Variants in CCR7 observed in about 807,000 individuals in gnomAD.
CCR7 encodes C-C motif chemokine receptor 7.
Under a neutral mutation model 26.0 loss-of-function variants are expected in CCR7, and 11 were observed. The observed-to-expected ratio is 0.42, with a 90% CI of 0.27 to 0.70. CCR7 has a LOEUF of 0.70. Ranked by LOEUF, CCR7 falls within the 30% of genes least tolerant of loss-of-function variation. The probability of loss-of-function intolerance (pLI) is 0.23; values close to 1 mark genes in which losing one functional copy is unlikely to be tolerated. For synonymous variants in CCR7, 189 were observed against 202.1 expected, an observed-to-expected ratio of 0.94 and a Z score of 0.55; for missense variants, 360 against 504.0, an observed-to-expected ratio of 0.71 and a Z score of 2.74.
chr17:40,556,233 C>A (rs2036586187), intron 2 of CCR7, among the ~76,000 whole-genome samples: 1 of 152,156 alleles, frequency 6.6e-6, no homozygotes, highest in South Asian at 2.1e-4. Flanking sequence ...GAACCAGAAT[C>A]TCAAGTGATG....
intron 1 of CCR7, 46 bp from the exon 2 acceptor site, chr17:40,558,988 CTT>C (rs1376741609): frequency 2.0e-6 from 3 of 1,532,168 alleles, no homozygotes; most frequent in Middle Eastern, 1.8e-4. Context: ...AGGGACAAGT[CTT>C]TGTTATTAAA....
chr17:40,557,106 C>T (rs951365774), intron 2 of CCR7, among the ~76,000 whole-genome samples: 2 of 152,238 alleles, frequency 1.3e-5, no homozygotes, highest in African/African-American at 4.8e-5. Flanking sequence ...ACCTCTCTGC[C>T]TCTCTCTTCC....
rs1291820003 is a variant in CCR7, at chr17:40,554,788, G to A, written c.1091C>T (p.Ser364Phe). ...QWSSCRHIRR[S>F]SMSVEAETTT... The stretch of plus-strand genomic sequence containing the variant: ...GGTCTCGGCCTCCACACTCATGGAG[G>A]AGCGCCGGATGTGCCGACAGGAAGA... Residue 364 changes from serine (S) to phenylalanine (F), a missense_variant, in exon 3 of 3, where the codon TCC (serine) becomes TTC (phenylalanine). Ser to Phe is a radical substitution (Grantham distance 155). Coordinates refer to ENST00000246657, the MANE Select transcript of CCR7 (RefSeq NM_001838.4). 2 of 1,613,902 alleles carry A rather than the reference G, an allele frequency of 1.2e-6. No individual in the cohort carries two copies. The highest frequency in any genetic ancestry group is 1.3e-5 in the African/African-American group (1 of 75,012).
At chr17:40,560,713 C>T (rs1234194838) in intron 1 of CCR7, 1 of 152,322 alleles carries the variant, frequency 6.6e-6, no homozygotes, top group Non-Finnish European at 1.5e-5. Context: ...CTAACCGGCC[C>T]TGAGGATGAA....
In CCR7 at chr17:40,554,403, C is replaced by T. The variant is rs545686559; in HGVS notation, c.*339G>A. 5.9e-4 allele frequency: 159 copies of T among 270,666 alleles called. No homozygotes were observed. Among genetic ancestry groups the T allele is most frequent in the Non-Finnish European group, 7.5e-4 (107 of 142,274 alleles). The allele number at this position is 270,666 out of a possible 1,614,324, so 16.8% of individuals were successfully genotyped here. On this transcript the variant is annotated 3_prime_UTR_variant, in exon 3 of 3. Coordinates refer to ENST00000246657, the MANE Select transcript of CCR7 (RefSeq NM_001838.4). ...CAGAGGACTCTTCAGGCCACTCCCA[C>T]GCCCCTTGCACTCACCCTCCTTGGC... is the stretch of plus-strand genomic sequence containing the variant.
At position 40,555,382 on chromosome 17, in the gene CCR7, C is replaced by T. The variant is rs1469701969; in HGVS notation, c.497G>A (p.Arg166His). 1.4e-5 allele frequency: 22 copies of T among 1,613,918 alleles called. No homozygotes were observed. The highest frequency in any genetic ancestry group is 1.6e-5 in the Non-Finnish European group (19 of 1,180,022). ...GATGAGAAGGACGCGGGCACGGTGG[C>T]GGTGAGCTGAGACAGCCTGGACGAT... Reference protein sequence around the residue: ...VAIVQAVSAHRHRARVLLISK... With the variant: ...VAIVQAVSAHHHRARVLLISK... Residue 166 changes from arginine to histidine, a missense_variant, in exon 3 of 3, where the codon CGC becomes CAC. Arg to His is a conservative substitution (Grantham distance 29). Transcript: ENST00000246657. This position sits in a 1 kb window ranked among gnomAD's most constrained non-coding sequence, Gnocchi z 5.6.
Position 40,555,558 on chromosome 17 carries a change from G to A in CCR7, c.321C>T (p.Phe107=). ...LLNLAVADIL[F]LLTLPFWAYS... is the part of the protein sequence containing the mutation. ...AGGCCCAGAAGGGAAGGGTCAGGAG[G>A]AAGAGGATGTCTGCCACCGCCAGGT... Residue 107 remains phenylalanine, a synonymous_variant, in exon 3 of 3, where the codon TTC becomes TTT. Coordinates refer to ENST00000246657, the MANE Select transcript of CCR7 (RefSeq NM_001838.4). This position sits in a 1 kb window ranked among gnomAD's most constrained non-coding sequence, Gnocchi z 5.6. The A allele has an allele frequency of 7.4e-6, 12 of 1,614,134 alleles. No homozygotes were observed. The highest frequency in any genetic ancestry group is 1.0e-5 in the Non-Finnish European group (12 of 1,180,030).
chr17:40,561,901 C>G (rs544108096), intron 1 of CCR7, among the ~76,000 whole-genome samples: 1 of 152,256 alleles, frequency 6.6e-6, no homozygotes, highest in African/African-American at 2.4e-5. Flanking sequence ...GGGTGAGAGC[C>G]TGGTAGACCT....
At chr17:40,563,481 C>T (rs183284290) in intron 1 of CCR7, among the ~76,000 whole-genome samples, 15 of 152,042 alleles carry the variant, frequency 9.9e-5, no homozygotes, top group African/African-American at 3.6e-4. Context: ...TCATTCAAAC[C>T]GTGAAAAAGG....
At position 40,555,502 on chromosome 17, in the gene CCR7, A is replaced by G. The variant is rs891813036; in HGVS notation, c.377T>C (p.Val126Ala). 8 of 1,614,076 alleles carry G rather than the reference A, an allele frequency of 5.0e-6. No individual in the cohort carries two copies. The highest frequency in any genetic ancestry group is 6.8e-6 in the Non-Finnish European group (8 of 1,180,034). ...YSAAKSWVFG[V>A]HFCKLIFAIY... ...GGCAAAGATGAGCTTGCAAAAGTGG[A>G]CACCGAAGACCCAGGACTTGGCCGC... The change falls in exon 3 of 3, where the codon GTC (valine) becomes GCC (alanine). Residue 126 changes from valine to alanine, a missense_variant. Transcript: ENST00000246657. The surrounding 1 kb of genome is among the most constrained non-coding windows in gnomAD (Gnocchi z 5.6).
At chr17:40,559,206 C>G (rs1224299681) in intron 1 of CCR7, among the ~76,000 whole-genome samples, 3 of 152,236 alleles carry the variant, frequency 2.0e-5, no homozygotes, top group African/African-American at 7.2e-5. Context: ...GCCCCTCCCA[C>G]CCCCTGTCTT....
chr17:40,564,095 TG>T (rs1252099294), intron 1 of CCR7, among the ~76,000 whole-genome samples: 1 of 137,980 alleles, frequency 7.2e-6, no homozygotes, highest in Non-Finnish European at 1.6e-5. Flanking sequence ...GGGATTGTGA[TG>T]GGGGGTGGTG....
At chr17:40,563,478 A>C (rs1383030012) in intron 1 of CCR7, among the ~76,000 whole-genome samples, 1 of 152,096 alleles carries the variant, frequency 6.6e-6, no homozygotes, top group African/African-American at 2.4e-5. Context: ...TGCTCATTCA[A>C]ACCGTGAAAA....
At chr17:40,563,944 G>C (rs76272995) in intron 1 of CCR7, among the ~76,000 whole-genome samples, 3,420 of 152,196 alleles carry the variant, frequency 0.022, 56 homozygotes, top group African/African-American at 0.051. Context: ...CCTCCACCCT[G>C]GAGTCAGCTA....
Position 40,555,792 on chromosome 17 carries a change from C to A in CCR7, c.87G>T (p.Thr29=). ...TGGTGTTGTCTCCGATGTAATCGTC[C>A]GTGACCTCATCTTGACACAGGCATA... ...FQVCLCQDEV[T]DDYIGDNTTV... Residue 29 remains threonine (T), a synonymous_variant, in exon 3 of 3, where the codon ACG becomes ACT. Coordinates refer to ENST00000246657, the MANE Select transcript of CCR7 (RefSeq NM_001838.4). This position sits in a 1 kb window ranked among gnomAD's most constrained non-coding sequence, Gnocchi z 5.6. 2 of 1,613,704 alleles carry A rather than the reference C, an allele frequency of 1.2e-6. No individual in the cohort carries two copies. Among genetic ancestry groups the A allele is most frequent in the African/African-American group, 1.3e-5 (1 of 75,008 alleles).
intron 1 of CCR7, among the ~76,000 whole-genome samples, chr17:40,563,076 G>A (rs1206304708): frequency 6.6e-6 from 1 of 152,060 alleles, no homozygotes; most frequent in Non-Finnish European, 1.5e-5. Context: ...TCTGACCCAG[G>A]TTCACTATTC....
chr17:40,560,515 T>G (rs2036642949), intron 1 of CCR7, among the ~76,000 whole-genome samples: 1 of 152,222 alleles, frequency 6.6e-6, no homozygotes, highest in Non-Finnish European at 1.5e-5. Context: ...CCGGAAATTG[T>G]GTAAAGCCAG....
Position 40,554,652 on chromosome 17 carries a change from C to CG in CCR7, c.*89dup. 3.0e-6 allele frequency: 3 copies of CG among 1,007,538 alleles called. No homozygotes were observed. Among genetic ancestry groups the CG allele is most frequent in the Non-Finnish European group, 3.0e-6 (2 of 673,630 alleles). 62.4% of individuals were successfully genotyped at this position (1,007,538 alleles called of 1,614,324 possible). ...CTGCTTTTCCCTGAGCAGCTTTTGG[C>CG]GGGGGGATGTCCTGAGTCATTGCAT... On this transcript the variant is annotated 3_prime_UTR_variant, in exon 3 of 3. Coordinates refer to ENST00000246657, the MANE Select transcript of CCR7 (RefSeq NM_001838.4).
At chr17:40,564,019 G>A (rs767125902) in intron 1 of CCR7, among the ~76,000 whole-genome samples, 2 of 151,724 alleles carry the variant, frequency 1.3e-5, no homozygotes, top group Non-Finnish European at 2.9e-5. Flanking sequence ...GCACTGCTTG[G>A]TTTCCTTCCT....
Sources: allele counts gnomAD v4.1 joint callset (sites outside exome capture counted in the v4.1 genomes callset), GRCh38; gene constraint gnomAD v4.1.1; non-coding constraint Gnocchi (gnomAD v3.1); transcripts MANE v1.5; gene names NCBI Gene and HGNC (gene_info 2026-07-23, HGNC 2026-07-21).